Variants in HIVEP2 observed in about 807,000 individuals in gnomAD.
HIVEP2 encodes transcription factor HIVEP2.
Under a neutral mutation model 180.7 loss-of-function variants are expected in HIVEP2, and 14 were observed. The ratio of observed to expected loss-of-function variants is 0.08; its 90% confidence interval spans 0.05 to 0.12. The LOEUF (loss-of-function observed/expected upper bound fraction) is 0.12, where lower values mean the gene tolerates loss of function less well. HIVEP2 is among the 10% of genes least tolerant of loss of function. The probability of loss-of-function intolerance (pLI) is 1.00; values close to 1 mark genes in which losing one functional copy is unlikely to be tolerated. For synonymous variants in HIVEP2, 1,184 were observed against 1,136.4 expected, an observed-to-expected ratio of 1.04 and a Z score of -0.84; for missense variants, 2,579 against 3,008.5, an observed-to-expected ratio of 0.86 and a Z score of 3.34.
intron 1 of HIVEP2, among the ~76,000 whole-genome samples, chr6:142,930,190 A>G (rs1377792435): frequency 6.6e-6 from 1 of 152,194 alleles, no homozygotes; most frequent in East Asian, 1.9e-4. Flanking sequence ...CCCAGCTCAA[A>G]TTAAATAGCT....
At chr6:142,759,664 C>A in intron 9 of HIVEP2, 108 bp downstream of exon 9, 1 of 849,078 alleles carries the variant, frequency 1.2e-6, no homozygotes, top group Non-Finnish European at 1.9e-6. Context: ...CAGATTCACT[C>A]CACCCATGAC....
At position 142,771,018 on chromosome 6, in the gene HIVEP2, T is replaced by C; in HGVS notation, c.3721A>G (p.Ser1241Gly). 1 of 1,614,158 alleles carries C rather than the reference T, an allele frequency of 6.2e-7. No homozygotes were observed. Among genetic ancestry groups the C allele is most frequent in the Non-Finnish European group, 8.5e-7 (1 of 1,180,028 alleles). ...PHPFAQHPQK[S>G]YGKPSFQTEI... ...GTCTGAAAAGAGGGCTTGCCATAGCTCTTCTGAGGGTGCTGAGCAAAGGGA... is the reference window on the plus strand; with the variant it reads ...GTCTGAAAAGAGGGCTTGCCATAGCCCTTCTGAGGGTGCTGAGCAAAGGGA... Residue 1241 changes from serine to glycine, a missense_variant, in exon 5 of 10, where the codon AGC (serine) becomes GGC (glycine). Coordinates refer to ENST00000367603, the MANE Select transcript of HIVEP2 (RefSeq NM_006734.4). This position sits in a 1 kb window ranked among gnomAD's most constrained non-coding sequence, Gnocchi z 5.4.
intron 1 of HIVEP2, among the ~76,000 whole-genome samples, chr6:142,932,222 T>G (rs1036016168): frequency 1.3e-5 from 2 of 152,218 alleles, no homozygotes; most frequent in African/African-American, 4.8e-5. Flanking sequence ...TACATTTATA[T>G]TCTATCTATA....
intron 1 of HIVEP2, among the ~76,000 whole-genome samples, chr6:142,875,372 C>T (rs1582932684): frequency 6.6e-6 from 1 of 151,996 alleles, no homozygotes; most frequent in East Asian, 1.9e-4. Flanking sequence ...AGAAGCAGAG[C>T]CCTATGGGAC....
chr6:142,933,534 T>C (rs1777986537), intron 1 of HIVEP2, among the ~76,000 whole-genome samples: 1 of 152,236 alleles, frequency 6.6e-6, no homozygotes, highest in Admixed American at 6.5e-5. Context: ...ACTATCAGGA[T>C]AATATCTTCA....
At chr6:142,896,096 G>T (rs1272627755) in intron 1 of HIVEP2, among the ~76,000 whole-genome samples, 1 of 152,136 alleles carries the variant, frequency 6.6e-6, no homozygotes, top group African/African-American at 2.4e-5. Context: ...GATGTCACTT[G>T]CTGAAATGTT....
intron 1 of HIVEP2, among the ~76,000 whole-genome samples, chr6:142,932,202 A>G (rs1233494671): frequency 1.3e-5 from 2 of 152,134 alleles, no homozygotes; most frequent in Non-Finnish European, 2.9e-5. Flanking sequence ...TTTATATTTT[A>G]TGTTCTACTT....
chr6:142,811,976 T>A (rs1776711125), intron 2 of HIVEP2, among the ~76,000 whole-genome samples: 1 of 152,104 alleles, frequency 6.6e-6, no homozygotes, highest in Non-Finnish European at 1.5e-5. Flanking sequence ...GGGACAGTGG[T>A]CCCTGAAAGA....
chr6:142,761,377 A>G (rs929361572), intron 8 of HIVEP2, 87 bp downstream of exon 8: 1 of 668,582 alleles, frequency 1.5e-6, no homozygotes, highest in Non-Finnish European at 2.7e-6. Flanking sequence ...ACTTTTTAAA[A>G]ATATCTAAAC....
intron 2 of HIVEP2, among the ~76,000 whole-genome samples, chr6:142,794,550 T>A (rs899993366): frequency 3.3e-5 from 5 of 152,216 alleles, no homozygotes; most frequent in Non-Finnish European, 7.3e-5. Context: ...GAGCACTAAT[T>A]ATTTTTGCTT....
Position 142,889,053 on chromosome 6 carries a change from T to G in HIVEP2, c.-640-52006A>C, listed in dbSNP as rs116716600. 9.8e-3 allele frequency among the ~76,000 whole-genome samples: 1,495 copies of G among 152,298 alleles called. 36 individuals carry two copies. Among genetic ancestry groups the G allele is most frequent in the African/African-American group, 0.033 (1,354 of 41,548 alleles). On this transcript the variant is annotated intron_variant, in intron 1 of 9. Transcript: ENST00000367603. ...TTATGTGTTCGAACTTTCTATTTGA[T>G]TTTGAGCTCCTTAAGGTCAGAGACT...
chr6:142,760,551 CATCATT>C lies in HIVEP2; in HGVS notation c.5731_5736del (p.Asn1911_Asp1912del), dbSNP rs1365017040. On this transcript the variant is annotated inframe_deletion, in exon 9 of 10. Coordinates refer to ENST00000367603, the MANE Select transcript of HIVEP2 (RefSeq NM_006734.4). ...AAGTCATCTTCATCTTCATCATCAT[CATCATT>C]ATCATCTCCATCCTCACCATCTGAT... is the stretch of plus-strand genomic sequence containing the variant. 4.3e-6 allele frequency: 7 copies of C among 1,613,528 alleles called. No homozygotes were observed. In the African/African-American group the frequency reaches 5.3e-5, roughly 12 times the overall value.
At chr6:142,883,937 T>C (rs1172871540) in intron 1 of HIVEP2, among the ~76,000 whole-genome samples, 1 of 152,182 alleles carries the variant, frequency 6.6e-6, no homozygotes, top group Non-Finnish European at 1.5e-5. Flanking sequence ...TTCTTTTTTG[T>C]AGGTAACATT....
intron 1 of HIVEP2, among the ~76,000 whole-genome samples, chr6:142,885,051 C>G (rs924530092): frequency 6.6e-6 from 1 of 152,148 alleles, no homozygotes; most frequent in Admixed American, 6.5e-5. Flanking sequence ...TTCAAAATCT[C>G]TGTTTTTATA....
chr6:142,764,014 G>C (rs896138925), intron 7 of HIVEP2, among the ~76,000 whole-genome samples: 3 of 152,066 alleles, frequency 2.0e-5, no homozygotes, highest in African/African-American at 7.2e-5. Context: ...AAAGTGTTGA[G>C]GGGGTGCCTA....
chr6:142,888,553 G>T (rs562909652), intron 1 of HIVEP2, among the ~76,000 whole-genome samples: 1 of 152,166 alleles, frequency 6.6e-6, no homozygotes, highest in East Asian at 1.9e-4. Context: ...TATGCTCATT[G>T]AAGTCATTAT....
intron 1 of HIVEP2, among the ~76,000 whole-genome samples, chr6:142,842,902 CT>C (rs1349942221): frequency 6.6e-6 from 1 of 152,140 alleles, no homozygotes; most frequent in Non-Finnish European, 1.5e-5. Context: ...ACAGAGCCCC[CT>C]GGCCACATTT....
At chr6:142,880,332 T>C (rs1776550905) in intron 1 of HIVEP2, among the ~76,000 whole-genome samples, 1 of 152,038 alleles carries the variant, frequency 6.6e-6, no homozygotes, top group South Asian at 2.1e-4. Context: ...CCCCAGATGG[T>C]GAAGCCACAC....
Position 142,775,144 on chromosome 6 carries a change from C to T in HIVEP2, c.-387-19G>A, listed in dbSNP as rs1775664840. 2.9e-5 allele frequency: 24 copies of T among 840,542 alleles called. No individual in the cohort carries two copies. Among genetic ancestry groups the T allele is most frequent in the Non-Finnish European group, 3.3e-5 (23 of 703,286 alleles). 52.1% of individuals were successfully genotyped at this position (840,542 alleles called of 1,614,324 possible). On this transcript the variant is annotated intron_variant, in intron 4 of 9. Transcript: ENST00000367603. ...AAATGATCTGAAGAAAAAGAAAATA[C>T]AAAGAGATTGTCATAACAGTTTCAA...
Sources: gnomAD v4.1 joint callset for allele counts (sites outside exome capture counted in the v4.1 genomes callset) on GRCh38, gnomAD v4.1.1 for gene constraint, Gnocchi (gnomAD v3.1) non-coding constraint, MANE v1.5 for transcripts, NCBI Gene and HGNC (gene_info 2026-07-23, HGNC 2026-07-21) for gene names.